Variants in PLPP1 observed in about 807,000 individuals in gnomAD.
PLPP1 encodes phospholipid phosphatase 1.
Under a neutral mutation model 31.2 loss-of-function variants are expected in PLPP1, and 24 were observed. The ratio of observed to expected loss-of-function variants is 0.77; its 90% CI spans 0.56 to 1.08. PLPP1 has a LOEUF of 1.08. Among genes scored for constraint, PLPP1 ranks in the 50% least tolerant of loss-of-function variants. The pLI is 0.00. For synonymous variants in PLPP1, 146 were observed against 126.3 expected (o/e 1.16, Z -1.05); for missense variants, 319 against 342.7 (o/e 0.93, Z 0.55).
chr5:55,521,520 A>G (rs1299618332), intron 1 of PLPP1, among the ~76,000 whole-genome samples: 1 of 151,908 alleles, frequency 6.6e-6, no homozygotes, highest in Non-Finnish European at 1.5e-5. Context: ...CTGTCTCAAA[A>G]AAAAACAAAA....
At chr5:55,425,603 C>T (rs759408100) in intron 5 of PLPP1, 2 of 441,500 alleles carry the variant, frequency 4.5e-6, no homozygotes, top group Non-Finnish European at 3.9e-6. Context: ...TTTTTCAAGT[C>T]ATAATCCCCT....
At chr5:55,489,334 T>C (rs1331306587) in intron 1 of PLPP1, among the ~76,000 whole-genome samples, 1 of 152,208 alleles carries the variant, frequency 6.6e-6, no homozygotes, top group African/African-American at 2.4e-5. Flanking sequence ...CTACCACAAC[T>C]ACTTAGTACT....
At position 55,443,192 on chromosome 5, in the gene PLPP1, A is replaced by AATATAT. The variant is rs1159178740; in HGVS notation, c.492-1290_492-1285dup. Among the ~76,000 whole-genome samples the AATATAT allele has an allele frequency of 4.9e-3, 123 of 25,358 alleles. 1 individual carries two copies. Among genetic ancestry groups the AATATAT allele is most frequent in the African/African-American group, 7.8e-3 (72 of 9,246 alleles). The allele number at this position is 25,358 out of a possible 152,430, so 16.6% of individuals were successfully genotyped here. On this transcript the variant is annotated intron_variant, in intron 3 of 5. Coordinates refer to ENST00000307259, the MANE Select transcript of PLPP1 (RefSeq NM_003711.4). The stretch of plus-strand genomic sequence containing the variant: ...AAGGATTACTTAAAAAAAAAAAAAA[A>AATATAT]ATATATATATATATATATATACACA...
intron 1 of PLPP1, among the ~76,000 whole-genome samples, chr5:55,491,401 T>C (rs1445597135): frequency 6.6e-6 from 1 of 152,170 alleles, no homozygotes; most frequent in African/African-American, 2.4e-5. Context: ...AATTGGCCCA[T>C]GGAAAAATAA....
chr5:55,512,007 T>C (rs1002218667), intron 1 of PLPP1, among the ~76,000 whole-genome samples: 2 of 150,256 alleles, frequency 1.3e-5, no homozygotes, highest in African/African-American at 4.9e-5. Context: ...TGGCAGCCTG[T>C]AATCCAAGCT....
At chr5:55,458,873 G>GC (rs1752080950) in intron 3 of PLPP1, among the ~76,000 whole-genome samples, 3 of 112,638 alleles carry the variant, frequency 2.7e-5, no homozygotes, top group South Asian at 3.0e-4. Flanking sequence ...GGGCAACAGA[G>GC]GAGACCCTGT....
At chr5:55,460,973 C>T (rs1303758317) in intron 3 of PLPP1, among the ~76,000 whole-genome samples, 1 of 152,156 alleles carries the variant, frequency 6.6e-6, no homozygotes, top group Non-Finnish European at 1.5e-5. Context: ...TCAGTTGCGA[C>T]AAGGAGTTCA....
intron 3 of PLPP1, among the ~76,000 whole-genome samples, chr5:55,460,580 T>C (rs1027596727): frequency 6.6e-6 from 1 of 152,168 alleles, no homozygotes; most frequent in South Asian, 2.1e-4. Flanking sequence ...TTACATGAAA[T>C]GGACAAATCC....
chr5:55,520,137 G>A (rs146242985), intron 1 of PLPP1, among the ~76,000 whole-genome samples: 1 of 152,212 alleles, frequency 6.6e-6, no homozygotes, highest in African/African-American at 2.4e-5. Context: ...CTAGTTTGCT[G>A]TTCTCTCTCC....
At chr5:55,516,736 A>C (rs1278436112) in intron 1 of PLPP1, among the ~76,000 whole-genome samples, 1 of 152,242 alleles carries the variant, frequency 6.6e-6, no homozygotes, top group Non-Finnish European at 1.5e-5. Flanking sequence ...ATGAACACAA[A>C]AGAATTCTGC....
At chr5:55,477,447 G>A (rs1579951922) in intron 1 of PLPP1, among the ~76,000 whole-genome samples, 1 of 147,616 alleles carries the variant, frequency 6.8e-6, no homozygotes, top group Non-Finnish European at 1.5e-5. Flanking sequence ...ATGCTGGGGT[G>A]CAGTGACACA....
intron 2 of PLPP1, among the ~76,000 whole-genome samples, chr5:55,470,202 C>T: frequency 6.6e-6 from 1 of 152,168 alleles, no homozygotes; most frequent in South Asian, 2.1e-4. Context: ...TTAAGGGGTC[C>T]CAGTAATTCC....
intron 3 of PLPP1, among the ~76,000 whole-genome samples, chr5:55,443,192 A>AAAAAAATATAT: frequency 5.5e-4 from 14 of 25,432 alleles, no homozygotes; most frequent in Non-Finnish European, 6.9e-4. Flanking sequence ...AAAAAAAAAA[A>AAAAAAATATAT]ATATATATAT....
chr5:55,518,252 T>C (rs1249423494), intron 1 of PLPP1, among the ~76,000 whole-genome samples: 3 of 152,236 alleles, frequency 2.0e-5, no homozygotes, highest in Admixed American at 6.5e-5. Context: ...GATGCTTAAG[T>C]ATGTAGATTA....
chr5:55,481,539 G>A (rs1158370367), intron 1 of PLPP1, among the ~76,000 whole-genome samples: 1 of 152,158 alleles, frequency 6.6e-6, no homozygotes, highest in Non-Finnish European at 1.5e-5. Context: ...ACACACAGAT[G>A]GCAGGTGCCT....
intron 1 of PLPP1, among the ~76,000 whole-genome samples, chr5:55,529,734 A>G (rs1029978635): frequency 2.0e-5 from 3 of 148,082 alleles, no homozygotes; most frequent in African/African-American, 7.4e-5. Flanking sequence ...CTATTCTGCA[A>G]CTCTAATAAC....
In PLPP1 at chr5:55,534,444, GC is replaced by G. The variant is rs1285313362; in HGVS notation, c.58+127del. The G allele has an allele frequency of 5.4e-5, 54 of 997,192 alleles. No individual in the cohort carries two copies. The South Asian group carries it at 9.9e-4, about 18-fold the overall frequency. The allele number at this position is 997,192 out of a possible 1,614,324, so 61.8% of individuals were successfully genotyped here. A position where few individuals can be genotyped will look rare whatever the true frequency, so the allele number is the denominator to read the frequency against. ...GCGGGGTCCCTCGGCTGCAGAAGCC[GC>G]CCCCGTGTGTCGCCCCACAGCTGCG... On this transcript the variant is annotated intron_variant, in intron 1 of 5. Coordinates refer to ENST00000307259, the MANE Select transcript of PLPP1 (RefSeq NM_003711.4).
chr5:55,499,360 C>A (rs1010532890), intron 1 of PLPP1, among the ~76,000 whole-genome samples: 32 of 152,156 alleles, frequency 2.1e-4, no homozygotes, highest in African/African-American at 7.2e-4. Flanking sequence ...AAAAAGTTTT[C>A]ACATACTATA....
chr5:55,447,370 T>C (rs10471416), intron 3 of PLPP1, among the ~76,000 whole-genome samples: 27,806 of 152,136 alleles, frequency 0.18, 2,662 homozygotes, highest in Admixed American at 0.19. Flanking sequence ...TTGGTTCTGC[T>C]ACAAATTAGA....
Sources: allele counts gnomAD v4.1 joint callset (sites outside exome capture counted in the v4.1 genomes callset), GRCh38; gene constraint gnomAD v4.1.1; transcripts MANE v1.5; gene names NCBI Gene and HGNC (gene_info 2026-07-23, HGNC 2026-07-21).